The following LIN7A variants were observed in gnomAD, a reference collection of about 807,000 sequenced individuals.
The protein encoded by LIN7A is lin-7 cell polarity scaffold A, also known as protein lin-7 homolog A.
In LIN7A, 25 loss-of-function variants were observed where a neutral mutation model predicts 29.8. The ratio of observed to expected loss-of-function variants is 0.84; its 90% CI spans 0.61 to 1.17. LIN7A has a LOEUF of 1.17. Ranked by LOEUF, LIN7A falls within the 50% of genes most tolerant of loss-of-function variation. The pLI, the probability that LIN7A is intolerant of heterozygous loss-of-function variation, is 0.00. For synonymous variants in LIN7A, 118 were observed against 107.5 expected (o/e 1.10, Z -0.60); for missense variants, 239 against 287.0 (o/e 0.83, Z 1.21).
Position 80,849,263 on chromosome 12 carries a change from T to A in LIN7A, c.202-941A>T, listed in dbSNP as rs1021868874. ...GAATCTGAGATATGTTACTGCAAAT[T>A]CTCCAGGTTACCTGAACAGCTGCTA... On this transcript the variant is annotated intron_variant, in intron 2 of 5. Transcript: ENST00000552864. Among the ~76,000 whole-genome samples the A allele has an allele frequency of 2.0e-5, 3 of 152,260 alleles. No individual in the cohort carries two copies. In the East Asian group the frequency reaches 5.8e-4, roughly 29 times the overall value.
intron 1 of LIN7A, among the ~76,000 whole-genome samples, chr12:80,914,152 T>C (rs549876041): frequency 6.6e-6 from 1 of 152,292 alleles, no homozygotes; most frequent in East Asian, 1.9e-4. Flanking sequence ...CTCCTCAAGT[T>C]AAGATCAGAT....
intron 1 of LIN7A, among the ~76,000 whole-genome samples, chr12:80,891,617 G>T (rs958788633): frequency 6.6e-6 from 1 of 152,126 alleles, no homozygotes; most frequent in South Asian, 2.1e-4. Context: ...GAACTCACAG[G>T]CTTGAGGGGC....
At chr12:80,873,964 G>A (rs1396350240) in intron 2 of LIN7A, among the ~76,000 whole-genome samples, 1 of 151,850 alleles carries the variant, frequency 6.6e-6, no homozygotes, top group East Asian at 1.9e-4. Flanking sequence ...GCATTTCTAG[G>A]TGCTAGCAAA....
At chr12:80,877,843 G>A (rs1256766951) in intron 2 of LIN7A, among the ~76,000 whole-genome samples, 2 of 151,376 alleles carry the variant, frequency 1.3e-5, no homozygotes, top group Admixed American at 6.6e-5. Context: ...AGCAAGAAAA[G>A]GTTAAATGAC....
chr12:80,822,517 C>A (rs1477928475), intron 4 of LIN7A, among the ~76,000 whole-genome samples: 1 of 152,118 alleles, frequency 6.6e-6, no homozygotes, highest in Non-Finnish European at 1.5e-5. Flanking sequence ...AAGATCGCAC[C>A]ACTTCACTCC....
chr12:80,805,877 T>C (rs1870953128), intron 5 of LIN7A, among the ~76,000 whole-genome samples: 1 of 151,732 alleles, frequency 6.6e-6, no homozygotes, highest in Non-Finnish European at 1.5e-5. Context: ...GGGTTTCTGC[T>C]TGTGTTTATT....
intron 2 of LIN7A, among the ~76,000 whole-genome samples, chr12:80,878,820 T>C (rs1344721621): frequency 6.6e-6 from 1 of 152,120 alleles, no homozygotes; most frequent in Non-Finnish European, 1.5e-5. Context: ...GAGTGCTGAA[T>C]GGTGCATTTT....
At chr12:80,853,180 C>G (rs1334590902) in intron 2 of LIN7A, among the ~76,000 whole-genome samples, 1 of 152,132 alleles carries the variant, frequency 6.6e-6, no homozygotes, top group Non-Finnish European at 1.5e-5. Context: ...TGCTATATTT[C>G]TCAAGTAAAT....
intron 2 of LIN7A, among the ~76,000 whole-genome samples, chr12:80,870,673 G>C (rs532788264): frequency 6.6e-6 from 1 of 152,298 alleles, no homozygotes; most frequent in African/African-American, 2.4e-5. Flanking sequence ...CCACAAAGGG[G>C]TAGACAAAGT....
At chr12:80,872,800 G>A (rs1286079978) in intron 2 of LIN7A, among the ~76,000 whole-genome samples, 2 of 152,186 alleles carry the variant, frequency 1.3e-5, no homozygotes, top group African/African-American at 2.4e-5. Flanking sequence ...TCCCATATAT[G>A]AAGAGATCAA....
At chr12:80,927,306 C>G (rs894621445) in intron 1 of LIN7A, among the ~76,000 whole-genome samples, 1 of 151,756 alleles carries the variant, frequency 6.6e-6, no homozygotes, top group Non-Finnish European at 1.5e-5. Flanking sequence ...GGACTACAGG[C>G]GCCCGCCACC....
At chr12:80,893,902 G>A (rs767651211) in intron 1 of LIN7A, among the ~76,000 whole-genome samples, 1 of 152,188 alleles carries the variant, frequency 6.6e-6, no homozygotes, top group Non-Finnish European at 1.5e-5. Context: ...ACAGCAGGTG[G>A]TAAAAGCCAA....
chr12:80,807,075 T>TTTTTTTTTTTGTTTTG (rs1402179636), intron 5 of LIN7A, among the ~76,000 whole-genome samples: 1 of 124,170 alleles, frequency 8.1e-6, no homozygotes, highest in African/African-American at 3.4e-5. Flanking sequence ...TTTTTTTTTT[T>TTTTTTTTTTTGTTTTG]TTTTTTTTTT....
At chr12:80,934,419 G>A (rs944626000) in intron 1 of LIN7A, among the ~76,000 whole-genome samples, 2 of 152,152 alleles carry the variant, frequency 1.3e-5, no homozygotes, top group African/African-American at 2.4e-5. Flanking sequence ...TTTTGGATAG[G>A]CACAGGGCCA....
chr12:80,904,443 A>G (rs1876374423), intron 1 of LIN7A, among the ~76,000 whole-genome samples: 1 of 152,104 alleles, frequency 6.6e-6, no homozygotes, highest in Non-Finnish European at 1.5e-5. Flanking sequence ...TTTGACCTAA[A>G]TCTCCCTAGC....
At chr12:80,818,614 G>A (rs1197825022) in intron 4 of LIN7A, among the ~76,000 whole-genome samples, 1 of 152,178 alleles carries the variant, frequency 6.6e-6, no homozygotes. Flanking sequence ...GTTTAGGCCA[G>A]TCATTCTTAA....
At chr12:80,802,577 T>C (rs187140451) in intron 5 of LIN7A, among the ~76,000 whole-genome samples, 22 of 152,314 alleles carry the variant, frequency 1.4e-4, no homozygotes, top group African/African-American at 5.1e-4. Context: ...TTAATTTACA[T>C]TCCCACCACT....
At chr12:80,851,538 A>G (rs1873334584) in intron 2 of LIN7A, among the ~76,000 whole-genome samples, 1 of 152,128 alleles carries the variant, frequency 6.6e-6, no homozygotes, top group South Asian at 2.1e-4. Flanking sequence ...CGCAAAATAT[A>G]TCCATGCCTA....
chr12:80,930,695 A>G, intron 1 of LIN7A, among the ~76,000 whole-genome samples: 1 of 152,198 alleles, frequency 6.6e-6, no homozygotes, highest in East Asian at 1.9e-4. Flanking sequence ...GACTATCAAA[A>G]CCAACACCTC....
Sources: allele counts gnomAD v4.1 joint callset (sites outside exome capture counted in the v4.1 genomes callset), GRCh38; gene constraint gnomAD v4.1.1; transcripts MANE v1.5; gene names NCBI Gene and HGNC (gene_info 2026-07-23, HGNC 2026-07-21).